The following SLMAP variants were observed in gnomAD, a reference collection of about 807,000 sequenced individuals.
The protein encoded by SLMAP is sarcolemma associated protein, also known as sarcolemmal membrane-associated protein.
Under a neutral mutation model 128.8 loss-of-function variants are expected in SLMAP, and 44 were observed. That is an observed-to-expected ratio of 0.34 (90% CI 0.27 to 0.44). The LOEUF is 0.44. SLMAP is among the 20% of genes least tolerant of loss of function. SLMAP has a pLI of 1.00. For synonymous variants in SLMAP, 327 were observed against 348.8 expected, an observed-to-expected ratio of 0.94 and a Z score of 0.70; for missense variants, 787 against 985.3, an observed-to-expected ratio of 0.80 and a Z score of 2.69.
chr3:57,887,394 T>C (rs1423081473), intron 14 of SLMAP, among the ~76,000 whole-genome samples: 3 of 152,080 alleles, frequency 2.0e-5, no homozygotes, highest in South Asian at 2.1e-4. Flanking sequence ...CACATCCAGC[T>C]AATTTTGGGG....
intron 3 of SLMAP, among the ~76,000 whole-genome samples, chr3:57,833,754 A>T (rs1159303562): frequency 6.6e-6 from 1 of 151,712 alleles, no homozygotes; most frequent in Non-Finnish European, 1.5e-5. Flanking sequence ...GTGAAATTTG[A>T]TTTATCTTTT....
intron 2 of SLMAP, among the ~76,000 whole-genome samples, chr3:57,797,927 T>C (rs2087165086): frequency 6.6e-6 from 1 of 152,180 alleles, no homozygotes. Context: ...CATATCCTGG[T>C]TTCACCTCTT....
At chr3:57,920,158 C>T (rs766383857) in intron 22 of SLMAP, among the ~76,000 whole-genome samples, 25 of 152,248 alleles carry the variant, frequency 1.6e-4, no homozygotes, top group Non-Finnish European at 3.4e-4. Context: ...TTTGCAGAAA[C>T]TAGTGTAGGT....
intron 4 of SLMAP, among the ~76,000 whole-genome samples, chr3:57,844,731 T>G (rs1051293514): frequency 1.0e-4 from 12 of 115,614 alleles, no homozygotes; most frequent in Non-Finnish European, 2.0e-4. Flanking sequence ...TTTTTTTTTT[T>G]GGAGATGGAG....
At chr3:57,874,118 C>A (rs2095548414) in intron 14 of SLMAP, among the ~76,000 whole-genome samples, 1 of 152,040 alleles carries the variant, frequency 6.6e-6, no homozygotes, top group South Asian at 2.1e-4. Context: ...GTGAGACTGT[C>A]TCAGCAACAG....
rs540022866 is a variant in SLMAP at position 57,927,393 on chromosome 3, G to A, written c.*104G>A. The A allele has an allele frequency of 2.6e-5, 41 of 1,550,928 alleles. 1 individual carries two copies. In the South Asian group the frequency reaches 2.9e-4, roughly 11 times the overall value. On this transcript the variant is annotated 3_prime_UTR_variant, in exon 25 of 25. Coordinates refer to ENST00000671191, the MANE Select transcript of SLMAP (RefSeq NM_001377540.1). The stretch of plus-strand genomic sequence containing the variant: ...CTGGCCAGAGCTTCTCCATGAGAGC[G>A]TTCCTTGAGTCCGTACACCGTCCTC...
intron 2 of SLMAP, 35 bp downstream of exon 2, chr3:57,757,884 A>G (rs1056013402): frequency 2.5e-6 from 4 of 1,605,666 alleles, no homozygotes; most frequent in Non-Finnish European, 3.4e-6. Flanking sequence ...GCATTGTTTA[A>G]CAAACTTTTT....
In SLMAP at chr3:57,860,724, A is replaced by G; in HGVS notation, c.713A>G (p.Lys238Arg). 1 of 1,571,528 alleles carries G rather than the reference A, an allele frequency of 6.4e-7. No individual in the cohort carries two copies. Among genetic ancestry groups the G allele is most frequent in the Non-Finnish European group, 8.6e-7 (1 of 1,166,646 alleles). Reference sequence around the variant, plus strand: ...AATCAAACAGAAGATAGTTTACGAAAGGAACTTATAGCATTACAAGAGGAT... The same window carrying G: ...AATCAAACAGAAGATAGTTTACGAAGGGAACTTATAGCATTACAAGAGGAT... ...SKNQTEDSLR[K>R]ELIALQEDKH... Residue 238 changes from lysine to arginine, a missense_variant, in exon 9 of 25, where the codon AAG becomes AGG. Physicochemically the swap from Lys to Arg is conservative, Grantham distance 26 (BLOSUM62 2). Coordinates refer to ENST00000671191, the MANE Select transcript of SLMAP (RefSeq NM_001377540.1).
At chr3:57,759,771 T>C (rs2078252526) in intron 2 of SLMAP, among the ~76,000 whole-genome samples, 1 of 152,232 alleles carries the variant, frequency 6.6e-6, no homozygotes, top group East Asian at 1.9e-4. Flanking sequence ...GCACTTTCTT[T>C]GATGAAACAC....
At chr3:57,759,223 G>A (rs937984135) in intron 2 of SLMAP, among the ~76,000 whole-genome samples, 1 of 151,644 alleles carries the variant, frequency 6.6e-6, no homozygotes, top group Non-Finnish European at 1.5e-5. Context: ...CCCTTCACTC[G>A]CTCCTCGCAA....
At chr3:57,778,032 T>C (rs2082271168) in intron 2 of SLMAP, among the ~76,000 whole-genome samples, 1 of 152,220 alleles carries the variant, frequency 6.6e-6, no homozygotes, top group African/African-American at 2.4e-5. Context: ...TTGCTTATAT[T>C]TTGTTAAGGA....
chr3:57,764,475 A>G (rs1050666424), intron 2 of SLMAP, among the ~76,000 whole-genome samples: 8 of 150,346 alleles, frequency 5.3e-5, no homozygotes, highest in Non-Finnish European at 1.2e-4. Flanking sequence ...GCACTCCAAC[A>G]TGGGCAACAG....
At chr3:57,766,035 G>T (rs564054893) in intron 2 of SLMAP, among the ~76,000 whole-genome samples, 75 of 133,594 alleles carry the variant, frequency 5.6e-4, no homozygotes, top group African/African-American at 8.2e-4. Flanking sequence ...GTCTTGCTCT[G>T]TTGCCCAGGC....
At chr3:57,768,440 C>T (rs1366458143) in intron 2 of SLMAP, among the ~76,000 whole-genome samples, 2 of 152,012 alleles carry the variant, frequency 1.3e-5, no homozygotes, top group Non-Finnish European at 2.9e-5. Flanking sequence ...TCAAGCAGGC[C>T]AGGTGTGGTG....
intron 2 of SLMAP, among the ~76,000 whole-genome samples, chr3:57,771,664 T>G (rs2080926090): frequency 6.6e-6 from 1 of 152,244 alleles, no homozygotes; most frequent in Non-Finnish European, 1.5e-5. Context: ...CTGCTGGGAT[T>G]ATAGGCATGA....
intron 6 of SLMAP, among the ~76,000 whole-genome samples, chr3:57,850,915 A>G (rs746799638): frequency 2.0e-5 from 3 of 152,334 alleles, no homozygotes. Flanking sequence ...GATTACAGGC[A>G]TGAGCCATGG....
chr3:57,771,163 C>T, intron 2 of SLMAP, among the ~76,000 whole-genome samples: 1 of 145,408 alleles, frequency 6.9e-6, no homozygotes, highest in South Asian at 2.2e-4. Context: ...CCTCCCCTCC[C>T]CTCCCCTCCC....
At chr3:57,771,942 G>A (rs763230359) in intron 2 of SLMAP, among the ~76,000 whole-genome samples, 24 of 152,140 alleles carry the variant, frequency 1.6e-4, no homozygotes, top group Admixed American at 3.3e-4. Context: ...AAGAAGTTGG[G>A]TAAATTACAA....
intron 2 of SLMAP, among the ~76,000 whole-genome samples, chr3:57,772,947 A>G (rs1473844316): frequency 6.6e-6 from 1 of 151,996 alleles, no homozygotes; most frequent in Admixed American, 6.6e-5. Context: ...GCCTACCATC[A>G]TGTTTCTTTG....
Sources: gnomAD v4.1 joint callset for allele counts (sites outside exome capture counted in the v4.1 genomes callset) on GRCh38, gnomAD v4.1.1 for gene constraint, MANE v1.5 for transcripts, NCBI Gene and HGNC (gene_info 2026-07-23, HGNC 2026-07-21) for gene names.